WWOX: variants seen among roughly 807,000 people sequenced by gnomAD.
WWOX encodes WW domain containing oxidoreductase, also known as WW domain-containing oxidoreductase.
In WWOX, 69 loss-of-function variants were observed where a neutral mutation model predicts 46.2. That is an observed-to-expected ratio of 1.49 (90% CI 1.23 to 1.82). The LOEUF (loss-of-function observed/expected upper bound fraction) is 1.82. WWOX is among the 40% of genes most tolerant of loss of function. The pLI is 0.00. For missense variants in WWOX, 919 were observed against 542.6 expected (o/e 1.69, Z -6.89); for synonymous variants, 359 against 202.6 (o/e 1.77, Z -6.56).
intron 8 of WWOX, among the ~76,000 whole-genome samples, chr16:79,008,115 T>G (rs1316577007): frequency 6.6e-6 from 1 of 152,154 alleles, no homozygotes; most frequent in Non-Finnish European, 1.5e-5. Flanking sequence ...TTAACAGAAT[T>G]CATTTTCTTG....
At chr16:78,709,093 C>G (rs1236799065) in intron 8 of WWOX, among the ~76,000 whole-genome samples, 1 of 152,140 alleles carries the variant, frequency 6.6e-6, no homozygotes, top group Non-Finnish European at 1.5e-5. Flanking sequence ...GTTTATCGCC[C>G]TGCGTGTCAT....
chr16:78,106,410 GGTTTTTTTTT>G (rs1243596570), intron 1 of WWOX, among the ~76,000 whole-genome samples: 20 of 132,668 alleles, frequency 1.5e-4, no homozygotes, highest in Admixed American at 3.0e-4. Context: ...GAGTCAGAAC[GGTTTTTTTTT>G]GTTTTTTTTT....
intron 8 of WWOX, among the ~76,000 whole-genome samples, chr16:78,632,677 G>C (rs987798802): frequency 2.0e-5 from 3 of 148,826 alleles, no homozygotes; most frequent in Admixed American, 6.9e-5. Context: ...TCCTGCCTCA[G>C]CCTCTCGAAT....
intron 5 of WWOX, among the ~76,000 whole-genome samples, chr16:78,240,388 A>G (rs1026147802): frequency 2.0e-5 from 3 of 152,194 alleles, no homozygotes; most frequent in Admixed American, 2.0e-4. Flanking sequence ...CTGTGAAGTC[A>G]GAGGCAGAGA....
intron 4 of WWOX, among the ~76,000 whole-genome samples, chr16:78,149,311 G>C (rs150857279): frequency 0.011 from 1,613 of 152,292 alleles, 16 homozygotes; most frequent in Non-Finnish European, 0.017. Flanking sequence ...GTTAAATTAA[G>C]TCTATAATTG....
intron 4 of WWOX, among the ~76,000 whole-genome samples, chr16:78,161,042 G>C (rs1475497575): frequency 1.3e-5 from 2 of 151,996 alleles, no homozygotes; most frequent in Non-Finnish European, 2.9e-5. Flanking sequence ...ACTTTCTCTT[G>C]TAATGCTTCT....
intron 8 of WWOX, among the ~76,000 whole-genome samples, chr16:78,436,865 C>G (rs192786355): frequency 6.9e-4 from 105 of 152,306 alleles, no homozygotes; most frequent in Non-Finnish European, 1.2e-3. Flanking sequence ...GCATCAGTTT[C>G]TTGGACAAAG....
chr16:78,442,558 C>T (rs1374674771), intron 8 of WWOX, among the ~76,000 whole-genome samples: 1 of 152,134 alleles, frequency 6.6e-6, no homozygotes, highest in Admixed American at 6.5e-5. Context: ...ATTTGTCTTT[C>T]TGCGCCTGGC....
chr16:78,556,366 G>A (rs996271559), intron 8 of WWOX, among the ~76,000 whole-genome samples: 1 of 152,118 alleles, frequency 6.6e-6, no homozygotes, highest in South Asian at 2.1e-4. Flanking sequence ...GGAAGGCAAA[G>A]GGAATTTTAT....
At position 79,025,439 on chromosome 16, in the gene WWOX, T is replaced by G. The variant is rs541528805; in HGVS notation, c.1057-186169T>G. Among the ~76,000 whole-genome samples, 12 of 152,134 alleles carry G rather than the reference T, an allele frequency of 7.9e-5. No individual in the cohort carries two copies. In the East Asian group the frequency reaches 1.4e-3, roughly 17 times the overall value. On this transcript the variant is annotated intron_variant, in intron 8 of 8. Transcript: ENST00000566780. The stretch of plus-strand genomic sequence containing the variant: ...TGGACCCTAAATCCAATGACAGGTG[T>G]TTTCAGCAGAGACAGAAGTGAAGAA...
chr16:78,711,389 A>G lies in WWOX; in HGVS notation c.1056+278637A>G, dbSNP rs1034179291. ...CATGATGCTCATATCTGGCCACTGT[A>G]TATGCTTTGGAGGGAACTTGAAGAC... On this transcript the variant is annotated intron_variant, in intron 8 of 8. Coordinates refer to ENST00000566780, the MANE Select transcript of WWOX (RefSeq NM_016373.4). 4.6e-5 allele frequency among the ~76,000 whole-genome samples: 7 copies of G among 152,318 alleles called. No individual in the cohort carries two copies. In the South Asian group the frequency reaches 1.0e-3, roughly 23 times the overall value.
chr16:79,011,473 T>G (rs994582521), intron 8 of WWOX, among the ~76,000 whole-genome samples: 1 of 146,250 alleles, frequency 6.8e-6, no homozygotes, highest in Non-Finnish European at 1.5e-5. Context: ...ATTTATTTAT[T>G]TATTTATTTA....
intron 6 of WWOX, among the ~76,000 whole-genome samples, chr16:78,408,434 C>G (rs948886365): frequency 4.6e-5 from 7 of 152,180 alleles, no homozygotes; most frequent in African/African-American, 1.7e-4. Context: ...CACATTCCCT[C>G]TCCACTGAGA....
Position 78,760,928 on chromosome 16 carries a change from G to A in WWOX, c.1056+328176G>A, listed in dbSNP as rs935076439. ...TCTCACGTGGTGGCAGAGAACAGAA[G>A]AGAGCTTGTGCAGGGAAACTCCGCT... On this transcript the variant is annotated intron_variant, in intron 8 of 8. Transcript: ENST00000566780. 4.6e-5 allele frequency among the ~76,000 whole-genome samples: 7 copies of A among 152,302 alleles called. No homozygotes were observed. In the South Asian group the frequency reaches 1.2e-3, roughly 27 times the overall value.
intron 5 of WWOX, among the ~76,000 whole-genome samples, chr16:78,237,073 C>CAAAAAA (rs35866443): frequency 2.5e-5 from 2 of 80,818 alleles, no homozygotes; most frequent in African/African-American, 4.8e-5. Context: ...GACTCCGTCT[C>CAAAAAA]AAAAAAAAAA....
chr16:78,483,822 T>C (rs932248514), intron 8 of WWOX, among the ~76,000 whole-genome samples: 5 of 152,088 alleles, frequency 3.3e-5, no homozygotes, highest in African/African-American at 1.2e-4. Flanking sequence ...TTAGCCTTAA[T>C]TTAAAAAAAA....
chr16:78,153,901 G>A (rs1244176995), intron 4 of WWOX, among the ~76,000 whole-genome samples: 1 of 152,154 alleles, frequency 6.6e-6, no homozygotes, highest in Non-Finnish European at 1.5e-5. Context: ...CTTTTTCTTA[G>A]CTCCTACCTC....
chr16:78,115,979 T>C lies in WWOX; in HGVS notation c.409+825T>C, dbSNP rs534459377. Among the ~76,000 whole-genome samples the C allele has an allele frequency of 5.3e-5, 8 of 152,252 alleles. No homozygotes were observed. In the South Asian group the frequency reaches 1.7e-3, roughly 32 times the overall value. On this transcript the variant is annotated intron_variant, in intron 4 of 8. Coordinates refer to ENST00000566780, the MANE Select transcript of WWOX (RefSeq NM_016373.4). ...CCCCTTGATGCCCTCCTCTACTCAT[T>C]TGTTTCTCTTTCCTAATTTTGTTTT...
intron 8 of WWOX, among the ~76,000 whole-genome samples, chr16:78,685,791 G>A (rs938013317): frequency 4.6e-5 from 7 of 151,884 alleles, no homozygotes; most frequent in African/African-American, 1.7e-4. Flanking sequence ...CATGTGTGGT[G>A]TATCTGTAAT....
Sources: allele counts gnomAD v4.1 joint callset (sites outside exome capture counted in the v4.1 genomes callset), GRCh38; gene constraint gnomAD v4.1.1; transcripts MANE v1.5; gene names NCBI Gene and HGNC (gene_info 2026-07-23, HGNC 2026-07-21).